CBX3: variants seen among roughly 807,000 people sequenced by gnomAD.
CBX3 encodes the protein chromobox protein homolog 3.
A neutral mutation model predicts 22.6 loss-of-function variants in CBX3; 5 were observed. The observed-to-expected ratio is 0.22, with a 90% CI of 0.12 to 0.47. CBX3 has a LOEUF of 0.47. CBX3 is among the 20% of genes least tolerant of loss of function. CBX3 has a pLI of 0.99. For synonymous variants in CBX3, 50 were observed against 66.6 expected (o/e 0.75, Z 1.21); for missense variants, 83 against 208.1 (o/e 0.40, Z 3.70).
chr7:26,203,046 A>G (rs1274033630), intron 2 of CBX3, 24 bp downstream of exon 2: 7 of 1,479,112 alleles, frequency 4.7e-6, no homozygotes, highest in Middle Eastern at 2.1e-4. Context: ...AACCTAAAAT[A>G]TGTAAGGATT....
chr7:26,212,804 TTTAAA>T lies in CBX3; in HGVS notation c.*599_*603del, dbSNP rs1435621117. On this transcript the variant is annotated 3_prime_UTR_variant, in exon 6 of 6. Transcript: ENST00000396386. ...AAATAAGTAATTCTAGATAGGACAATTTAAATTGGATAATTTTAAAGTGTCTATAA... is the reference window on the plus strand; with the variant it reads ...AAATAAGTAATTCTAGATAGGACAATTTGGATAATTTTAAAGTGTCTATAA... 6.6e-6 allele frequency: 1 copy of T among 152,288 alleles called. No individual in the cohort carries two copies. The highest frequency in any genetic ancestry group is 1.5e-5 in the Non-Finnish European group (1 of 68,052). 9.4% of individuals were successfully genotyped at this position (152,288 alleles called of 1,614,324 possible).
Position 26,206,436 on chromosome 7 carries a change from C to T in CBX3, c.93C>T (p.Val31=), listed in dbSNP as rs575959807. The T allele has an allele frequency of 4.8e-5, 77 of 1,613,710 alleles. No individual in the cohort carries two copies. In the South Asian group the frequency reaches 5.8e-4, roughly 12 times the overall value. The change falls in exon 3 of 6, where the codon GTC becomes GTT. Residue 31 remains valine, a synonymous_variant. Coordinates refer to ENST00000396386, the MANE Select transcript of CBX3 (RefSeq NM_016587.4). ...AAGAGGCAGAGCCTGAAGAATTTGTCGTGGAAAAAGTACTAGATCGACGTG... is the reference window on the plus strand; with the variant it reads ...AAGAGGCAGAGCCTGAAGAATTTGTTGTGGAAAAAGTACTAGATCGACGTG... The part of the protein sequence containing the change: ...KVEEAEPEEF[V]VEKVLDRRVV...
chr7:26,202,711 C>T (rs1432366836), intron 1 of CBX3: 9 of 440,602 alleles, frequency 2.0e-5, no homozygotes, highest in South Asian at 3.0e-5. Flanking sequence ...TTGGAAAAGA[C>T]ATTGGTCCCC....
intron 4 of CBX3, among the ~76,000 whole-genome samples, chr7:26,211,078 T>TAAA (rs74744309): frequency 0.033 from 3,558 of 106,622 alleles, 58 homozygotes; most frequent in Middle Eastern, 0.081. Context: ...GCTGATGAGC[T>TAAA]AAAAAAAAAA....
At chr7:26,203,738 A>G (rs2128136607) in intron 2 of CBX3, among the ~76,000 whole-genome samples, 3 of 152,332 alleles carry the variant, frequency 2.0e-5, no homozygotes, top group Admixed American at 2.0e-4. Context: ...TTAAACACGT[A>G]AAGGTGAATG....
rs1200315493 is a variant in CBX3, at chr7:26,203,037, A to G, written c.24+15A>G. The G allele has an allele frequency of 6.3e-7, 1 of 1,592,298 alleles. No homozygotes were observed. The highest frequency in any genetic ancestry group is 8.6e-7 in the Non-Finnish European group (1 of 1,161,508). Reference sequence around the variant, plus strand: ...AAACTACATTGGTAAGTTAATGAAAACCTAAAATATGTAAGGATTTAACTC... The same window carrying G: ...AAACTACATTGGTAAGTTAATGAAAGCCTAAAATATGTAAGGATTTAACTC... On this transcript the variant is annotated intron_variant, in intron 2 of 5. Coordinates refer to ENST00000396386, the MANE Select transcript of CBX3 (RefSeq NM_016587.4).
intron 4 of CBX3, 141 bp downstream of exon 4, chr7:26,208,696 TGCAACTGCC>T (rs1026255966): frequency 1.5e-6 from 1 of 675,286 alleles, no homozygotes; most frequent in Non-Finnish European, 2.3e-6. Flanking sequence ...TCTTGGTCAC[TGCAACTGCC>T]GCCTCCTGGG....
At chr7:26,208,747 G>A (rs1438041783) in intron 4 of CBX3, among the ~76,000 whole-genome samples, 192 bp downstream of exon 4, 1 of 151,726 alleles carries the variant, frequency 6.6e-6, no homozygotes, top group Non-Finnish European at 1.5e-5. Context: ...AGCCTCCCAA[G>A]TAGCTGGGAT....
chr7:26,210,421 A>G (rs1177683021), intron 4 of CBX3: 1 of 152,248 alleles, frequency 6.6e-6, no homozygotes, highest in Non-Finnish European at 1.5e-5. Flanking sequence ...AGATACTAAA[A>G]TTCTGTTTTA....
chr7:26,213,601 A>T lies in CBX3; in HGVS notation c.*1393A>T, dbSNP rs1784864337. ...ATTGTCTCATTAAAATGAGGTTTTA[A>T]ATTCTGGTTTGTTGTAACTGTCTTC... On this transcript the variant is annotated 3_prime_UTR_variant, in exon 6 of 6. Transcript: ENST00000396386. Among the ~76,000 whole-genome samples, 1 of 152,090 alleles carries T rather than the reference A, an allele frequency of 6.6e-6. No homozygotes were observed. The highest frequency in any genetic ancestry group is 2.1e-4 in the South Asian group (1 of 4,830).
intron 3 of CBX3, 111 bp from the exon 4 acceptor site, chr7:26,208,282 A>G (rs535267864): frequency 7.4e-5 from 57 of 767,798 alleles, no homozygotes; most frequent in African/African-American, 7.3e-4. Flanking sequence ...TAGTATCTGC[A>G]GTACAGAGGA....
At chr7:26,211,961 A>G (rs1202210706) in intron 5 of CBX3, 121 bp from the exon 6 acceptor site, 63 of 954,364 alleles carry the variant, frequency 6.6e-5, no homozygotes, top group Non-Finnish European at 9.2e-5. Flanking sequence ...GCAACAAGTA[A>G]CATAACTCTC....
chr7:26,208,280 G>T, intron 3 of CBX3, 113 bp from the exon 4 acceptor site: 2 of 755,536 alleles, frequency 2.6e-6, no homozygotes, highest in Non-Finnish European at 4.1e-6. Context: ...ATTAGTATCT[G>T]CAGTACAGAG....
At chr7:26,207,016 G>T (rs1177166504) in intron 3 of CBX3, among the ~76,000 whole-genome samples, 1 of 152,124 alleles carries the variant, frequency 6.6e-6, no homozygotes, top group Non-Finnish European at 1.5e-5. Flanking sequence ...CATTATTCTT[G>T]ATAATGTTAT....
rs1784841901 is a variant in CBX3 at position 26,212,913 on chromosome 7, A to C, written c.*705A>C. On this transcript the variant is annotated 3_prime_UTR_variant, in exon 6 of 6. Transcript: ENST00000396386. ...CACAGCAGGTTTCCTCATCCAGATG[A>C]GGAAACTAGACAAATGCTAGTGTGT... The C allele has an allele frequency of 6.6e-6, 1 of 151,098 alleles. No individual in the cohort carries two copies. Among genetic ancestry groups the C allele is most frequent in the African/African-American group, 2.5e-5 (1 of 40,326 alleles). The allele number at this position is 151,098 out of a possible 1,614,324, so 9.4% of individuals were successfully genotyped here.
chr7:26,202,280 G>T (rs547605293), intron 1 of CBX3: 1 of 152,086 alleles, frequency 6.6e-6, no homozygotes, highest in Non-Finnish European at 1.5e-5. Flanking sequence ...GCCGCCGCGG[G>T]GGTAGGCGCG....
chr7:26,202,873 G>A, intron 1 of CBX3, 98 bp from the exon 2 acceptor site: 1 of 736,074 alleles, frequency 1.4e-6, no homozygotes, highest in Non-Finnish European at 2.4e-6. Flanking sequence ...TTTGAAATGT[G>A]CGCTCTCTAC....
chr7:26,210,063 G>A (rs1308227461), intron 4 of CBX3: 1 of 152,118 alleles, frequency 6.6e-6, no homozygotes, highest in East Asian at 1.9e-4. Flanking sequence ...ACCAAAGCAG[G>A]AACATCGCTT....
chr7:26,208,236 T>TG (rs1411249896), intron 3 of CBX3, 157 bp from the exon 4 acceptor site: 2 of 503,594 alleles, frequency 4.0e-6, no homozygotes, highest in South Asian at 3.8e-5. Flanking sequence ...GGAGGCAGGC[T>TG]GGGGGGTGGG....
Sources: gnomAD v4.1 joint callset for allele counts (sites outside exome capture counted in the v4.1 genomes callset) on GRCh38, gnomAD v4.1.1 for gene constraint, MANE v1.5 for transcripts, NCBI Gene and HGNC (gene_info 2026-07-23, HGNC 2026-07-21) for gene names.